The following RAP1A variants were observed in gnomAD, a reference collection of about 807,000 sequenced individuals.
The protein encoded by RAP1A is RAP1A, member of RAS oncogene family.
In RAP1A, 6 loss-of-function variants were observed where a neutral mutation model predicts 26.4. That is an observed-to-expected ratio of 0.23 (90% CI 0.12 to 0.45). The LOEUF (loss-of-function observed/expected upper bound fraction) is 0.45. Among genes scored for constraint, RAP1A ranks in the 20% least tolerant of loss-of-function variants. The pLI is 0.99. For synonymous variants in RAP1A, 73 were observed against 79.4 expected, an observed-to-expected ratio of 0.92 and a Z score of 0.43; for missense variants, 121 against 217.2, an observed-to-expected ratio of 0.56 and a Z score of 2.78.
At chr1:111,695,971 A>G (rs1661815263) in intron 3 of RAP1A, among the ~76,000 whole-genome samples, 1 of 152,214 alleles carries the variant, frequency 6.6e-6, no homozygotes, top group Admixed American at 6.5e-5. Flanking sequence ...TAACAAATGT[A>G]CCACTCTGGT....
chr1:111,560,105 G>A (rs74112343), intron 1 of RAP1A, among the ~76,000 whole-genome samples: 12,295 of 152,162 alleles, frequency 0.081, 1,174 homozygotes, highest in African/African-American at 0.23. Context: ...AGCATTGGAA[G>A]CTCAGAGATT....
At chr1:111,615,566 C>T (rs549591132), upstream of RAP1A, among the ~76,000 whole-genome samples, 2 of 152,148 alleles carry the variant, frequency 1.3e-5, no homozygotes, top group Non-Finnish European at 2.9e-5. Context: ...GGCGTGGTGG[C>T]TCACGCCTGT....
chr1:111,698,053 T>A (rs1323831087), intron 4 of RAP1A, among the ~76,000 whole-genome samples: 1 of 152,148 alleles, frequency 6.6e-6, no homozygotes, highest in Non-Finnish European at 1.5e-5. Flanking sequence ...TATAAATCAT[T>A]AGGCATAATG....
At chr1:111,684,245 T>C (rs1028905802) in intron 1 of RAP1A, among the ~76,000 whole-genome samples, 2 of 152,086 alleles carry the variant, frequency 1.3e-5, no homozygotes, top group African/African-American at 2.4e-5. Flanking sequence ...CCTTTGAAAA[T>C]TGGCACAAGA....
At chr1:111,546,951 T>A (rs1439319154) in intron 1 of RAP1A, among the ~76,000 whole-genome samples, 2 of 152,214 alleles carry the variant, frequency 1.3e-5, no homozygotes, top group Non-Finnish European at 2.9e-5. Context: ...TGTTTTGTTT[T>A]GTTTTGGTTT....
intron 1 of RAP1A, among the ~76,000 whole-genome samples, chr1:111,662,189 A>T (rs1232095010): frequency 6.6e-6 from 1 of 151,906 alleles, no homozygotes; most frequent in Non-Finnish European, 1.5e-5. Context: ...AGGTCAGGAG[A>T]TTGAGACCAT....
At chr1:111,616,902 T>C (rs1659024158), upstream of RAP1A, among the ~76,000 whole-genome samples, 1 of 152,200 alleles carries the variant, frequency 6.6e-6, no homozygotes, top group South Asian at 2.1e-4. Flanking sequence ...TTCTATCTCC[T>C]TTAATAGCCA....
chr1:111,633,349 T>C (rs1659630771), intron 1 of RAP1A, among the ~76,000 whole-genome samples: 2 of 148,006 alleles, frequency 1.4e-5, no homozygotes. Context: ...CTTCAGAAAA[T>C]TGTTTGGCAT....
intron 1 of RAP1A, among the ~76,000 whole-genome samples, chr1:111,672,604 T>G (rs1237110787): frequency 6.6e-6 from 1 of 152,164 alleles, no homozygotes; most frequent in Non-Finnish European, 1.5e-5. Flanking sequence ...CACGGCAGCC[T>G]AACACTTAGG....
chr1:111,671,986 A>G (rs1660989994), intron 1 of RAP1A, among the ~76,000 whole-genome samples: 1 of 152,136 alleles, frequency 6.6e-6, no homozygotes, highest in Non-Finnish European at 1.5e-5. Flanking sequence ...AGTCCATTGA[A>G]ATTTCTTGAG....
intron 1 of RAP1A, among the ~76,000 whole-genome samples, chr1:111,542,997 G>T (rs1305968080): frequency 1.3e-5 from 2 of 152,056 alleles, no homozygotes; most frequent in Admixed American, 6.6e-5. Context: ...CATGGCGCCC[G>T]GCCATGTATT....
At chr1:111,548,931 A>G (rs554386488) in intron 1 of RAP1A, among the ~76,000 whole-genome samples, 1 of 152,332 alleles carries the variant, frequency 6.6e-6, no homozygotes, top group African/African-American at 2.4e-5. Flanking sequence ...GCCTCAATCT[A>G]GATCTTGTTC....
intron 1 of RAP1A, among the ~76,000 whole-genome samples, chr1:111,609,429 T>C (rs1054341779): frequency 8.5e-5 from 13 of 152,166 alleles, no homozygotes; most frequent in African/African-American, 2.9e-4. Context: ...TTACTTTTTT[T>C]TACTTAAATG....
chr1:111,660,115 C>T (rs1252196904), intron 1 of RAP1A, among the ~76,000 whole-genome samples: 1 of 152,200 alleles, frequency 6.6e-6, no homozygotes, highest in Non-Finnish European at 1.5e-5. Context: ...GACAAATTCT[C>T]TCCATTTTTG....
chr1:111,653,812 A>G (rs1660359252), intron 1 of RAP1A, among the ~76,000 whole-genome samples: 1 of 152,092 alleles, frequency 6.6e-6, no homozygotes, highest in Non-Finnish European at 1.5e-5. Context: ...AGAAAAGAAG[A>G]CTGTGGGCAT....
intron 4 of RAP1A, among the ~76,000 whole-genome samples, chr1:111,702,512 C>T (rs888113333): frequency 4.6e-5 from 7 of 151,714 alleles, no homozygotes; most frequent in African/African-American, 7.3e-5. Flanking sequence ...GCACTATTCT[C>T]ACATCTTTTC....
At chr1:111,587,522 T>C (rs949922903) in intron 1 of RAP1A, among the ~76,000 whole-genome samples, 2 of 152,188 alleles carry the variant, frequency 1.3e-5, no homozygotes, top group African/African-American at 4.8e-5. Context: ...TTATCCTCTC[T>C]ATCTCCTTTA....
intron 4 of RAP1A, among the ~76,000 whole-genome samples, chr1:111,703,100 A>G (rs1441225528): frequency 6.6e-6 from 1 of 152,234 alleles, no homozygotes; most frequent in Non-Finnish European, 1.5e-5. Context: ...AAAATTATAT[A>G]CAGCTCTAAA....
upstream of RAP1A, among the ~76,000 whole-genome samples, chr1:111,616,558 C>G (rs1332720429): frequency 6.6e-6 from 1 of 152,214 alleles, no homozygotes; most frequent in Non-Finnish European, 1.5e-5. Flanking sequence ...CAAACTACTT[C>G]TCACAGGGAC....
Sources: gnomAD v4.1 joint callset for allele counts (sites outside exome capture counted in the v4.1 genomes callset) on GRCh38, gnomAD v4.1.1 for gene constraint, MANE v1.5 for transcripts, NCBI Gene and HGNC (gene_info 2026-07-23, HGNC 2026-07-21) for gene names.